SHQ1: variants seen among roughly 807,000 people sequenced by gnomAD.
The protein encoded by SHQ1 is SHQ1, H/ACA ribonucleoprotein assembly factor.
SHQ1 carries 49 observed loss-of-function variants against 53.8 expected under a neutral mutation model. The ratio of observed to expected loss-of-function variants is 0.91; its 90% CI spans 0.72 to 1.16. SHQ1 has a LOEUF of 1.16. SHQ1 is among the 50% of genes most tolerant of loss of function. The probability of loss-of-function intolerance (pLI) is 0.00; values close to 1 mark genes in which losing one functional copy is unlikely to be tolerated. For synonymous variants in SHQ1, 243 were observed against 251.0 expected, an observed-to-expected ratio of 0.97 and a Z score of 0.30; for missense variants, 738 against 683.1, an observed-to-expected ratio of 1.08 and a Z score of -0.90.
chr3:72,802,158 G>T (rs1236093714), intron 9 of SHQ1, among the ~76,000 whole-genome samples: 2 of 152,234 alleles, frequency 1.3e-5, no homozygotes, highest in Non-Finnish European at 2.9e-5. Context: ...ACAACGGGTA[G>T]TATGGATCAG....
chr3:72,756,275 T>A (rs990822360), intron 10 of SHQ1, among the ~76,000 whole-genome samples: 7 of 152,154 alleles, frequency 4.6e-5, no homozygotes, highest in African/African-American at 1.4e-4. Flanking sequence ...TTTGTCTGGT[T>A]AGGTTTTTCT....
chr3:72,835,281 G>T lies in SHQ1; in HGVS notation c.487-2800C>A, dbSNP rs147322764. Among the ~76,000 whole-genome samples the T allele has an allele frequency of 3.1e-3, 469 of 152,074 alleles. 5 individuals carry two copies. Among genetic ancestry groups the T allele is most frequent in the African/African-American group, 0.011 (441 of 41,490 alleles). ...AGTTTTCTGTACTACAGGCTGTTGT[G>T]AGGATTAAATGAGATAATACAAGTA... On this transcript the variant is annotated intron_variant, in intron 4 of 10. Coordinates refer to ENST00000325599, the MANE Select transcript of SHQ1 (RefSeq NM_018130.3).
chr3:72,805,251 C>A (rs1420226589), intron 9 of SHQ1, among the ~76,000 whole-genome samples: 3 of 152,212 alleles, frequency 2.0e-5, no homozygotes, highest in Non-Finnish European at 4.4e-5. Flanking sequence ...TGGTCCATCA[C>A]TGACTGAAAG....
chr3:72,755,270 GGATA>G (rs758397773), intron 10 of SHQ1, among the ~76,000 whole-genome samples: 26 of 149,766 alleles, frequency 1.7e-4, no homozygotes, highest in Admixed American at 3.3e-4. Flanking sequence ...ATGGATAGAT[GGATA>G]GATGGATGGA....
At position 72,758,632 on chromosome 3, in the gene SHQ1, C is replaced by T. The variant is rs558130682; in HGVS notation, c.1182-7796G>A. Among the ~76,000 whole-genome samples the T allele has an allele frequency of 1.1e-3, 166 of 146,788 alleles. 1 individual carries two copies. Among genetic ancestry groups the T allele is most frequent in the Admixed American group, 4.8e-3 (70 of 14,472 alleles). On this transcript the variant is annotated intron_variant, in intron 10 of 10. Coordinates refer to ENST00000325599, the MANE Select transcript of SHQ1 (RefSeq NM_018130.3). ...TTGCCCAAGCTGGAATGCAATGGCA[C>T]GATCTCGGCTCACTGCAACCTCCAC...
At chr3:72,738,925 C>T in the SHQ1 span, among the ~76,000 whole-genome samples, 2 of 152,168 alleles carry the variant, frequency 1.3e-5, no homozygotes, top group African/African-American at 4.8e-5. Flanking sequence ...GAGGACCCGA[C>T]GGAGCTACAC....
chr3:72,813,928 T>G (rs1707220364), intron 8 of SHQ1, among the ~76,000 whole-genome samples: 1 of 150,988 alleles, frequency 6.6e-6, no homozygotes, highest in Non-Finnish European at 1.5e-5. Flanking sequence ...AAAAAAGGTG[T>G]TGTATCTTGA....
chr3:72,734,147 G>A, the SHQ1 span, among the ~76,000 whole-genome samples: 3 of 151,350 alleles, frequency 2.0e-5, no homozygotes, highest in East Asian at 5.8e-4. Flanking sequence ...GTGACACAGC[G>A]AGACTCTGTC....
chr3:72,764,707 C>T (rs1705684445), intron 10 of SHQ1, among the ~76,000 whole-genome samples: 1 of 152,174 alleles, frequency 6.6e-6, no homozygotes, highest in South Asian at 2.1e-4. Context: ...GAATCTCAGC[C>T]CCCAACCCAG....
In SHQ1 at chr3:72,792,960, A is replaced by G; in HGVS notation, c.1137T>C (p.Asn379=). 1 of 1,612,056 alleles carries G rather than the reference A, an allele frequency of 6.2e-7. No homozygotes were observed. The change falls in exon 10 of 11, where the codon AAT becomes AAC. Residue 379 remains asparagine, a synonymous_variant. Coordinates refer to ENST00000325599, the MANE Select transcript of SHQ1 (RefSeq NM_018130.3). ...FQENDPAYIL[N]DLYISDYCVW... is the part of the protein sequence containing the mutation. ...CACAGTAGTCTGAGATGTAGAGATC[A>G]TTCAGTATGTACGCTGGGTCATTTT...
intron 10 of SHQ1, among the ~76,000 whole-genome samples, chr3:72,775,299 C>G (rs1465627603): frequency 6.6e-6 from 1 of 151,704 alleles, no homozygotes; most frequent in Non-Finnish European, 1.5e-5. Flanking sequence ...AACTCTATGC[C>G]AGAAAGTTTG....
intron 10 of SHQ1, among the ~76,000 whole-genome samples, chr3:72,781,473 A>G (rs1488323546): frequency 1.3e-5 from 2 of 152,214 alleles, no homozygotes; most frequent in Admixed American, 6.5e-5. Context: ...TTTCCCAAAT[A>G]TGAACTTAGC....
At chr3:72,764,083 G>C (rs1705667205) in intron 10 of SHQ1, among the ~76,000 whole-genome samples, 1 of 151,482 alleles carries the variant, frequency 6.6e-6, no homozygotes, top group African/African-American at 2.4e-5. Flanking sequence ...AATAACATGA[G>C]GGGAATAGAT....
At chr3:72,828,288 T>G (rs777958188) in intron 5 of SHQ1, among the ~76,000 whole-genome samples, 1 of 152,158 alleles carries the variant, frequency 6.6e-6, no homozygotes, top group Non-Finnish European at 1.5e-5. Flanking sequence ...ACAGGGCAAG[T>G]GCATGGAAGA....
chr3:72,752,535 T>A (rs1423217317), intron 10 of SHQ1, among the ~76,000 whole-genome samples: 1 of 150,416 alleles, frequency 6.6e-6, no homozygotes, highest in East Asian at 1.9e-4. Flanking sequence ...TTCAGAAGAT[T>A]TTTTTTTTTT....
rs143876903 is a variant in SHQ1 at position 72,777,398 on chromosome 3, T to C, written c.1181+15518A>G. On this transcript the variant is annotated intron_variant, in intron 10 of 10. Coordinates refer to ENST00000325599, the MANE Select transcript of SHQ1 (RefSeq NM_018130.3). The stretch of plus-strand genomic sequence containing the variant: ...AAACAGGGGATACAATAGACAGACA[T>C]TTCATAGTAGAGGAAACACCAATGG... 4.6e-3 allele frequency among the ~76,000 whole-genome samples: 696 copies of C among 152,266 alleles called. 6 individuals are homozygous for C. Among genetic ancestry groups the C allele is most frequent in the African/African-American group, 0.015 (636 of 41,566 alleles).
chr3:72,741,994 AT>A, the SHQ1 span, among the ~76,000 whole-genome samples: 1 of 152,072 alleles, frequency 6.6e-6, no homozygotes, highest in Non-Finnish European at 1.5e-5. Flanking sequence ...ACATCGCTGG[AT>A]TTTGGTATCT....
At chr3:72,838,605 G>A (rs979356244) in intron 4 of SHQ1, among the ~76,000 whole-genome samples, 5 of 152,126 alleles carry the variant, frequency 3.3e-5, no homozygotes, top group Non-Finnish European at 7.4e-5. Flanking sequence ...GGGTTCAAGC[G>A]ATTCTCCTGC....
intron 10 of SHQ1, among the ~76,000 whole-genome samples, chr3:72,766,656 C>A (rs1379151528): frequency 6.6e-6 from 1 of 152,202 alleles, no homozygotes; most frequent in African/African-American, 2.4e-5. Flanking sequence ...AGGAAGGGCT[C>A]ATGCCTCAGA....
Sources: allele counts gnomAD v4.1 joint callset (sites outside exome capture counted in the v4.1 genomes callset), GRCh38; gene constraint gnomAD v4.1.1; transcripts MANE v1.5; gene names NCBI Gene and HGNC (gene_info 2026-07-23, HGNC 2026-07-21).